CAMK1D: variants seen among roughly 807,000 people sequenced by gnomAD.
CAMK1D encodes calcium/calmodulin dependent protein kinase ID.
Under a neutral mutation model 47.7 loss-of-function variants are expected in CAMK1D, and 9 were observed. The observed-to-expected ratio is 0.19, with a 90% CI of 0.11 to 0.33. The LOEUF is 0.33. Ranked by LOEUF, CAMK1D falls within the 10% of genes least tolerant of loss-of-function variation. The probability of loss-of-function intolerance (pLI) is 1.00; values close to 1 mark genes in which losing one functional copy is unlikely to be tolerated. For synonymous variants in CAMK1D, 184 were observed against 184.9 expected (o/e 0.99, Z 0.04); for missense variants, 291 against 488.7 (o/e 0.60, Z 3.81).
chr10:12,655,494 A>G (rs1400722267), intron 2 of CAMK1D, among the ~76,000 whole-genome samples: 1 of 152,260 alleles, frequency 6.6e-6, no homozygotes, highest in Admixed American at 6.5e-5. Context: ...GTCAAATCTT[A>G]GAACCTTTTT....
At chr10:12,741,705 G>C (rs1281150724) in intron 3 of CAMK1D, among the ~76,000 whole-genome samples, 3 of 152,112 alleles carry the variant, frequency 2.0e-5, no homozygotes, top group African/African-American at 7.2e-5. Context: ...GGTTTTCTTC[G>C]GAGAGTCCCC....
chr10:12,704,027 A>G (rs1031166794), intron 3 of CAMK1D, among the ~76,000 whole-genome samples: 1 of 152,212 alleles, frequency 6.6e-6, no homozygotes, highest in Non-Finnish European at 1.5e-5. Flanking sequence ...AAAGTCACCC[A>G]ATACTGGGAA....
chr10:12,491,943 A>G (rs2768435), intron 1 of CAMK1D, among the ~76,000 whole-genome samples: 112,126 of 151,436 alleles, frequency 0.74, 41,880 homozygotes, highest in East Asian at 0.97. Flanking sequence ...TCACCACCAC[A>G]CCTGGCTAAT....
At chr10:12,513,517 T>G (rs1835100867) in intron 1 of CAMK1D, among the ~76,000 whole-genome samples, 1 of 152,174 alleles carries the variant, frequency 6.6e-6, no homozygotes, top group South Asian at 2.1e-4. Flanking sequence ...CCGGGCGTGG[T>G]GATTCATGCC....
intron 2 of CAMK1D, among the ~76,000 whole-genome samples, chr10:12,632,982 G>A (rs1235355803): frequency 1.3e-5 from 2 of 152,042 alleles, no homozygotes; most frequent in African/African-American, 2.4e-5. Flanking sequence ...CCTGAGCCAC[G>A]GCGCCTGGCT....
At chr10:12,561,366 TC>T (rs775646590) in intron 2 of CAMK1D, among the ~76,000 whole-genome samples, 100 of 152,166 alleles carry the variant, frequency 6.6e-4, no homozygotes, top group Non-Finnish European at 1.2e-3. Flanking sequence ...CTTTCTGGAA[TC>T]TTAACACAAT....
In CAMK1D at chr10:12,402,909, T is replaced by A. The variant is rs1564317056; in HGVS notation, c.92+52999T>A. Among the ~76,000 whole-genome samples the A allele has an allele frequency of 1.3e-5, 2 of 152,092 alleles. 1 individual carries two copies. The highest frequency in any genetic ancestry group is 3.9e-4 in the East Asian group (2 of 5,168). ...GGTGATGAGTTCCAGATGCGCAGAA[T>A]TGCGTGGATTGGAGAGACCTCAGCC... On this transcript the variant is annotated intron_variant, in intron 1 of 10. Coordinates refer to ENST00000619168, the MANE Select transcript of CAMK1D (RefSeq NM_153498.4).
At chr10:12,639,172 A>C (rs1839597257) in intron 2 of CAMK1D, among the ~76,000 whole-genome samples, 1 of 152,226 alleles carries the variant, frequency 6.6e-6, no homozygotes, top group African/African-American at 2.4e-5. Flanking sequence ...CTGCTTTAGC[A>C]ATATAGAGAA....
chr10:12,726,649 G>A (rs879695887), intron 3 of CAMK1D, among the ~76,000 whole-genome samples: 1 of 152,122 alleles, frequency 6.6e-6, no homozygotes, highest in Admixed American at 6.5e-5. Flanking sequence ...TGTGCTCAAC[G>A]CTTTATAGAA....
chr10:12,545,803 A>G (rs2132255768), intron 1 of CAMK1D, among the ~76,000 whole-genome samples: 1 of 152,112 alleles, frequency 6.6e-6, no homozygotes, highest in Admixed American at 6.6e-5. Context: ...CCGTCTCAAA[A>G]AAGAAAAAGA....
At chr10:12,621,445 C>T (rs920951935) in intron 2 of CAMK1D, among the ~76,000 whole-genome samples, 1 of 152,282 alleles carries the variant, frequency 6.6e-6, no homozygotes, top group East Asian at 1.9e-4. Context: ...CTTCTTTCAT[C>T]AGCATTATGT....
chr10:12,373,088 C>G (rs1207078073), intron 1 of CAMK1D, among the ~76,000 whole-genome samples: 1 of 152,154 alleles, frequency 6.6e-6, no homozygotes, highest in Non-Finnish European at 1.5e-5. Context: ...CTGGTGCTGT[C>G]CCAGCCGGGG....
At chr10:12,631,138 C>G (rs570165020) in intron 2 of CAMK1D, among the ~76,000 whole-genome samples, 2 of 152,238 alleles carry the variant, frequency 1.3e-5, no homozygotes, top group Non-Finnish European at 2.9e-5. Flanking sequence ...GACCATGAAA[C>G]TGGGTAATGG....
chr10:12,515,418 C>CTTTTTTTTTTT (rs55732103), intron 1 of CAMK1D, among the ~76,000 whole-genome samples: 1 of 99,010 alleles, frequency 1.0e-5, no homozygotes, highest in African/African-American at 4.0e-5. Flanking sequence ...TTTTTTTTTT[C>CTTTTTTTTTTT]TTTTTTTTTT....
At chr10:12,495,607 GCT>G (rs761250421) in intron 1 of CAMK1D, among the ~76,000 whole-genome samples, 20 of 152,154 alleles carry the variant, frequency 1.3e-4, no homozygotes, top group Non-Finnish European at 2.2e-4. Flanking sequence ...TGCTCATTTA[GCT>G]TTCGACGTCC....
intron 10 of CAMK1D, 101 bp downstream of exon 10, chr10:12,825,791 G>C (rs1833185412): frequency 1.3e-6 from 2 of 1,582,106 alleles, no homozygotes; most frequent in Admixed American, 3.8e-5. Flanking sequence ...CTGTTTGCCA[G>C]GCGCTTTCTA....
chr10:12,569,242 A>G (rs1837239144), intron 2 of CAMK1D, among the ~76,000 whole-genome samples: 1 of 152,190 alleles, frequency 6.6e-6, no homozygotes, highest in African/African-American at 2.4e-5. Context: ...ACTTGCATAA[A>G]TTGTAGTTAT....
chr10:12,781,649 CTT>C (rs145484733), intron 5 of CAMK1D, among the ~76,000 whole-genome samples: 58,880 of 135,258 alleles, frequency 0.44, 11,888 homozygotes, highest in South Asian at 0.5. Flanking sequence ...TTTGGCGATA[CTT>C]TTTTTTTTTT....
chr10:12,364,861 G>A (rs969833378), intron 1 of CAMK1D, among the ~76,000 whole-genome samples: 5 of 152,136 alleles, frequency 3.3e-5, no homozygotes, highest in African/African-American at 1.2e-4. Flanking sequence ...CTGGAAGGTG[G>A]CTGTGGCATA....
Sources: gnomAD v4.1 joint callset for allele counts (sites outside exome capture counted in the v4.1 genomes callset) on GRCh38, gnomAD v4.1.1 for gene constraint, MANE v1.5 for transcripts, NCBI Gene and HGNC (gene_info 2026-07-23, HGNC 2026-07-21) for gene names.